ATP9A: variants seen among roughly 807,000 people sequenced by gnomAD.
ATP9A encodes the protein ATPase phospholipid transporting 9A.
Under a neutral mutation model 144.1 loss-of-function variants are expected in ATP9A, and 52 were observed. The ratio of observed to expected loss-of-function variants is 0.36; its 90% CI spans 0.29 to 0.45. The LOEUF (loss-of-function observed/expected upper bound fraction) is 0.45. ATP9A is among the 20% of genes least tolerant of loss of function. ATP9A has a pLI of 1.00. For missense variants in ATP9A, 947 were observed against 1,392.7 expected, an observed-to-expected ratio of 0.68 and a Z score of 5.09; for synonymous variants, 582 against 557.4, an observed-to-expected ratio of 1.04 and a Z score of -0.62.
At chr20:51,746,525 G>A (rs1047370195) in intron 1 of ATP9A, among the ~76,000 whole-genome samples, 1 of 151,228 alleles carries the variant, frequency 6.6e-6, no homozygotes, top group African/African-American at 2.4e-5. Flanking sequence ...ATAGCTAAAC[G>A]CTGTCTCTAC....
chr20:51,693,492 G>A (rs2077557088), intron 7 of ATP9A, among the ~76,000 whole-genome samples: 1 of 152,120 alleles, frequency 6.6e-6, no homozygotes, highest in Non-Finnish European at 1.5e-5. Flanking sequence ...TCAGTAAGAT[G>A]AGAAATCTTT....
At chr20:51,730,082 G>A (rs2077733949) in intron 1 of ATP9A, 104 bp from the exon 2 acceptor site, 11 of 1,256,934 alleles carry the variant, frequency 8.8e-6, no homozygotes, top group South Asian at 6.6e-5. Flanking sequence ...CATCTTCTCT[G>A]GCTCAGGACC....
At chr20:51,707,832 A>G (rs1243315696) in intron 4 of ATP9A, among the ~76,000 whole-genome samples, 1 of 151,672 alleles carries the variant, frequency 6.6e-6, no homozygotes, top group Non-Finnish European at 1.5e-5. Flanking sequence ...GACTTGGTAC[A>G]TGATGAAGTC....
chr20:51,627,488 T>C (rs1452066632), intron 17 of ATP9A, 112 bp downstream of exon 17: 3 of 957,200 alleles, frequency 3.1e-6, no homozygotes, highest in Non-Finnish European at 5.0e-6. Context: ...GTGAACCCAG[T>C]GTGCCCAGAA....
intron 22 of ATP9A, among the ~76,000 whole-genome samples, chr20:51,614,751 G>A (rs1015105310): frequency 1.3e-5 from 2 of 152,154 alleles, no homozygotes; most frequent in African/African-American, 4.8e-5. Context: ...AATCTGATGG[G>A]TTCAAGAACT....
chr20:51,683,478 T>A (rs2077509293), intron 9 of ATP9A, among the ~76,000 whole-genome samples: 1 of 151,920 alleles, frequency 6.6e-6, no homozygotes, highest in Non-Finnish European at 1.5e-5. Context: ...AGAGACGGGG[T>A]TCACCGTGTT....
intron 1 of ATP9A, among the ~76,000 whole-genome samples, chr20:51,763,038 A>G (rs1016510795): frequency 2.0e-5 from 3 of 152,036 alleles, no homozygotes; most frequent in Non-Finnish European, 2.9e-5. Flanking sequence ...ATTACACAAT[A>G]AAAAGAAACT....
intron 13 of ATP9A, among the ~76,000 whole-genome samples, chr20:51,665,259 G>A (rs187410016): frequency 1.2e-3 from 179 of 152,054 alleles, no homozygotes; most frequent in Non-Finnish European, 2.0e-3. Context: ...GGGGGTTTGG[G>A]AACTCAAGGG....
intron 1 of ATP9A, among the ~76,000 whole-genome samples, chr20:51,731,655 G>T (rs2077741953): frequency 6.6e-6 from 1 of 151,556 alleles, no homozygotes; most frequent in Non-Finnish European, 1.5e-5. Flanking sequence ...GGAGGCGGAG[G>T]TTGCAGTGAG....
At chr20:51,656,874 T>A in intron 14 of ATP9A, 64 bp downstream of exon 14, 1 of 1,489,618 alleles carries the variant, frequency 6.7e-7, no homozygotes, top group Non-Finnish European at 9.2e-7. Flanking sequence ...AGAAAACGCC[T>A]AATTCCAGCA....
chr20:51,640,266 C>T (rs950361380), intron 14 of ATP9A, among the ~76,000 whole-genome samples: 4 of 152,212 alleles, frequency 2.6e-5, no homozygotes, highest in African/African-American at 9.6e-5. Context: ...GGGGGAGTGT[C>T]TTCAGTGGTT....
chr20:51,726,067 A>C (rs2077711078), intron 2 of ATP9A, 135 bp from the exon 3 acceptor site: 3 of 633,864 alleles, frequency 4.7e-6, no homozygotes, highest in Non-Finnish European at 8.4e-6. Flanking sequence ...TAATCCCAGA[A>C]CTTTGGGAGG....
rs2077185456 is a variant in ATP9A, at chr20:51,611,677, A to G, written c.2572-1512T>C. On this transcript the variant is annotated intron_variant, in intron 23 of 27. Transcript: ENST00000338821. This position sits in a 1 kb window ranked among gnomAD's most constrained non-coding sequence, Gnocchi z 4.2. ...GTAACATCCAGTTTTTGAAGAAGTC[A>G]GCTCATCCCGGCCAGCTTTTGTGTA... Among the ~76,000 whole-genome samples, 3 of 152,222 alleles carry G rather than the reference A, an allele frequency of 2.0e-5. No individual in the cohort carries two copies. The highest frequency in any genetic ancestry group is 4.4e-5 in the Non-Finnish European group (3 of 68,032).
intron 2 of ATP9A, among the ~76,000 whole-genome samples, chr20:51,727,803 T>C (rs112485592): frequency 0.067 from 10,159 of 150,602 alleles, 767 homozygotes; most frequent in African/African-American, 0.19. Flanking sequence ...TGGGAGCACG[T>C]GCCTGTAATC....
chr20:51,753,102 C>CAA (rs200895118), intron 1 of ATP9A, among the ~76,000 whole-genome samples: 172 of 125,504 alleles, frequency 1.4e-3, no homozygotes, highest in African/African-American at 4.9e-3. Flanking sequence ...GACTCTGTCT[C>CAA]AAAAAAAAAA....
chr20:51,700,140 A>G (rs769721518), intron 4 of ATP9A, among the ~76,000 whole-genome samples: 2 of 152,164 alleles, frequency 1.3e-5, no homozygotes, highest in Non-Finnish European at 2.9e-5. Flanking sequence ...TGCTAGAGAG[A>G]GATCCACTGG....
At chr20:51,693,587 C>G (rs1365067027) in intron 7 of ATP9A, among the ~76,000 whole-genome samples, 1 of 152,056 alleles carries the variant, frequency 6.6e-6, no homozygotes, top group Non-Finnish European at 1.5e-5. Context: ...AGTGCAGTTG[C>G]TATTCCCAGG....
At chr20:51,743,540 C>T (rs2077794293) in intron 1 of ATP9A, among the ~76,000 whole-genome samples, 1 of 150,404 alleles carries the variant, frequency 6.6e-6, no homozygotes, top group African/African-American at 2.4e-5. Context: ...GCTGGGATTA[C>T]AGGCGTGCAC....
intron 15 of ATP9A, among the ~76,000 whole-genome samples, chr20:51,632,139 G>C (rs551673617): frequency 1.3e-5 from 2 of 151,972 alleles, no homozygotes; most frequent in Non-Finnish European, 2.9e-5. Context: ...GCACAATCAC[G>C]ACTCACTACA....
Sources: allele counts gnomAD v4.1 joint callset (sites outside exome capture counted in the v4.1 genomes callset), GRCh38; gene constraint gnomAD v4.1.1; non-coding constraint Gnocchi (gnomAD v3.1); transcripts MANE v1.5; gene names NCBI Gene and HGNC (gene_info 2026-07-23, HGNC 2026-07-21).